PLD5: variants seen among roughly 807,000 people sequenced by gnomAD.
PLD5 encodes inactive phospholipase D5.
Under a neutral mutation model 61.1 loss-of-function variants are expected in PLD5, and 36 were observed. The ratio of observed to expected loss-of-function variants is 0.59; its 90% CI spans 0.45 to 0.78. The LOEUF is 0.78. PLD5 is among the 30% of genes least tolerant of loss of function. The pLI, the probability that PLD5 is intolerant of heterozygous loss-of-function variation, is 0.00. For missense variants in PLD5, 515 were observed against 644.4 expected (o/e 0.80, Z 2.17); for synonymous variants, 243 against 242.8 (o/e 1.00, Z -0.01).
intron 1 of PLD5, among the ~76,000 whole-genome samples, chr1:242,412,517 A>G (rs1664612588): frequency 6.6e-6 from 1 of 152,224 alleles, no homozygotes; most frequent in Non-Finnish European, 1.5e-5. Context: ...CACAGTCAAG[A>G]AACTGGACAG....
At chr1:242,242,006 T>TAGACACACACAC (rs1558388065) in intron 4 of PLD5, among the ~76,000 whole-genome samples, 1 of 125,108 alleles carries the variant, frequency 8.0e-6, no homozygotes, top group Non-Finnish European at 1.6e-5. Context: ...TATATATATA[T>TAGACACACACAC]ATATAGACAC....
Position 242,296,021 on chromosome 1 carries a change from C to T in PLD5, c.327-7491G>A, listed in dbSNP as rs1675633676. Among the ~76,000 whole-genome samples the T allele has an allele frequency of 7.9e-5, 12 of 152,276 alleles. 1 individual carries two copies. Among genetic ancestry groups the T allele is most frequent in the Middle Eastern group, 3.4e-3 (1 of 294 alleles). ...GCTCTGCCAGTTATGAGCTGTGTGA[C>T]CTTCAACAGATTACTAACCTCTTTC... is the stretch of plus-strand genomic sequence containing the variant. On this transcript the variant is annotated intron_variant, in intron 2 of 9. Transcript: ENST00000536534.
chr1:242,214,633 C>G (rs1670032697), intron 5 of PLD5, among the ~76,000 whole-genome samples: 1 of 152,142 alleles, frequency 6.6e-6, no homozygotes, highest in African/African-American at 2.4e-5. Context: ...TTTCAACTTA[C>G]CCAGAGACTG....
At chr1:242,512,922 A>T (rs1432823905) in intron 1 of PLD5, among the ~76,000 whole-genome samples, 1 of 150,588 alleles carries the variant, frequency 6.6e-6, no homozygotes, top group African/African-American at 2.4e-5. Context: ...CCCAGGCTGG[A>T]GTGTGGTGGC....
chr1:242,407,281 GT>G, intron 1 of PLD5, among the ~76,000 whole-genome samples: 1 of 56,324 alleles, frequency 1.8e-5, no homozygotes, highest in East Asian at 6.5e-4. Flanking sequence ...ACGTGGAACT[GT>G]GAGTCCATTA....
intron 5 of PLD5, among the ~76,000 whole-genome samples, chr1:242,153,293 T>C (rs1574405234): frequency 6.6e-6 from 1 of 152,206 alleles, no homozygotes; most frequent in South Asian, 2.1e-4. Flanking sequence ...TCTCCCATTC[T>C]GTAGGCTGCC....
At chr1:242,456,214 A>T (rs1254493409) in intron 1 of PLD5, among the ~76,000 whole-genome samples, 3 of 152,082 alleles carry the variant, frequency 2.0e-5, no homozygotes, top group Non-Finnish European at 4.4e-5. Context: ...CCATTCAGTG[A>T]CTCTGAGCTG....
rs369731911 is a variant in PLD5, at chr1:242,325,475, G to C, written c.326+22631C>G. Among the ~76,000 whole-genome samples, 76 of 146,842 alleles carry C rather than the reference G, an allele frequency of 5.2e-4. No individual in the cohort carries two copies. In the East Asian group the frequency reaches 0.011, roughly 22 times the overall value. On this transcript the variant is annotated intron_variant, in intron 2 of 9. Coordinates refer to ENST00000536534, the MANE Select transcript of PLD5 (RefSeq NM_001372062.1). ...TGGGAGAGAGGGACAGAGAGAGTAGGGGGGAGAGAAGGTGGAGAGAAGAGA... is the reference window on the plus strand; with the variant it reads ...TGGGAGAGAGGGACAGAGAGAGTAGCGGGGAGAGAAGGTGGAGAGAAGAGA...
chr1:242,327,163 C>A (rs568665591), intron 2 of PLD5, among the ~76,000 whole-genome samples: 2 of 149,548 alleles, frequency 1.3e-5, no homozygotes, highest in African/African-American at 5.0e-5. Context: ...CCACGCCTGG[C>A]GCTAATTTTT....
intron 7 of PLD5, among the ~76,000 whole-genome samples, chr1:242,110,505 C>G (rs2148694852): frequency 6.6e-6 from 1 of 152,170 alleles, no homozygotes; most frequent in East Asian, 1.9e-4. Flanking sequence ...GTACACAGTG[C>G]TCAATAAATA....
chr1:242,219,528 A>G (rs1670429790), intron 5 of PLD5, among the ~76,000 whole-genome samples: 1 of 152,200 alleles, frequency 6.6e-6, no homozygotes, highest in Non-Finnish European at 1.5e-5. Context: ...AGTGTGTGAA[A>G]ATGTATTTTC....
chr1:242,156,321 T>C (rs939500027), intron 5 of PLD5, among the ~76,000 whole-genome samples: 1 of 152,224 alleles, frequency 6.6e-6, no homozygotes, highest in African/African-American at 2.4e-5. Flanking sequence ...CCAGTCTGTG[T>C]CTTTTAATTG....
intron 2 of PLD5, among the ~76,000 whole-genome samples, chr1:242,291,563 T>C (rs1452212100): frequency 6.6e-6 from 1 of 151,966 alleles, no homozygotes; most frequent in East Asian, 1.9e-4. Flanking sequence ...TCCCAGCACT[T>C]TGGGAGGCCG....
intron 8 of PLD5, among the ~76,000 whole-genome samples, chr1:242,106,943 G>C (rs1460691035): frequency 6.6e-6 from 1 of 152,152 alleles, no homozygotes; most frequent in Non-Finnish European, 1.5e-5. Flanking sequence ...GACGAGGACT[G>C]GAGTAGAGTC....
rs531584520 is a variant in PLD5, at chr1:242,455,160, A to C, written c.189+68928T>G. On this transcript the variant is annotated intron_variant, in intron 1 of 9. Coordinates refer to ENST00000536534, the MANE Select transcript of PLD5 (RefSeq NM_001372062.1). ...GTTTTTCACATACATCTATGTGTGC[A>C]TGGAGTGTGACTGTTATGTTTATTC... Among the ~76,000 whole-genome samples the C allele has an allele frequency of 3.9e-5, 6 of 152,328 alleles. No individual in the cohort carries two copies. In the South Asian group the frequency reaches 1.2e-3, roughly 32 times the overall value.
At chr1:242,358,456 G>A (rs1172388004) in intron 1 of PLD5, among the ~76,000 whole-genome samples, 1 of 151,826 alleles carries the variant, frequency 6.6e-6, no homozygotes, top group Non-Finnish European at 1.5e-5. Flanking sequence ...AATGAATCTG[G>A]GCAGGCAGAG....
chr1:242,289,579 C>T (rs997861270), intron 2 of PLD5, among the ~76,000 whole-genome samples: 14 of 152,132 alleles, frequency 9.2e-5, no homozygotes, highest in African/African-American at 2.7e-4. Context: ...TCTCGAACTC[C>T]TGACCTCTCA....
intron 4 of PLD5, among the ~76,000 whole-genome samples, chr1:242,263,908 A>C (rs995047542): frequency 6.6e-6 from 1 of 152,200 alleles, no homozygotes; most frequent in African/African-American, 2.4e-5. Context: ...CCAAGCTTTA[A>C]CTTTTGGTTG....
chr1:242,434,244 T>C (rs1046666948), intron 1 of PLD5, among the ~76,000 whole-genome samples: 11 of 152,268 alleles, frequency 7.2e-5, no homozygotes, highest in Admixed American at 2.6e-4. Flanking sequence ...GGATACCTCA[T>C]GAATGTTGGG....
Sources: allele counts gnomAD v4.1 joint callset (sites outside exome capture counted in the v4.1 genomes callset), GRCh38; gene constraint gnomAD v4.1.1; transcripts MANE v1.5; gene names NCBI Gene and HGNC (gene_info 2026-07-23, HGNC 2026-07-21).